The following FRMD4A variants were observed in gnomAD, a reference collection of about 807,000 sequenced individuals.
FRMD4A encodes FERM domain-containing protein 4A.
A neutral mutation model predicts 129.1 loss-of-function variants in FRMD4A; 29 were observed. That is an observed-to-expected ratio of 0.22 (90% CI 0.17 to 0.31). The LOEUF is 0.31. Ranked by LOEUF, FRMD4A falls within the 10% of genes least tolerant of loss-of-function variation. The probability of loss-of-function intolerance (pLI) is 1.00; values close to 1 mark genes in which losing one functional copy is unlikely to be tolerated. For synonymous variants in FRMD4A, 634 were observed against 571.6 expected (o/e 1.11, Z -1.56); for missense variants, 1,272 against 1,375.8 (o/e 0.92, Z 1.19).
chr10:13,844,767 C>T (rs959299468), intron 3 of FRMD4A, among the ~76,000 whole-genome samples: 5 of 152,172 alleles, frequency 3.3e-5, no homozygotes, highest in East Asian at 1.9e-4. Flanking sequence ...CCCTGCTAGT[C>T]GCATGCTCTT....
chr10:13,669,744 A>G (rs915053033), intron 17 of FRMD4A, among the ~76,000 whole-genome samples: 5 of 152,202 alleles, frequency 3.3e-5, no homozygotes, highest in African/African-American at 1.2e-4. Flanking sequence ...CTGGATTCTC[A>G]TTAACCAGCC....
chr10:13,783,296 C>T (rs2092779798), intron 5 of FRMD4A, among the ~76,000 whole-genome samples: 1 of 152,206 alleles, frequency 6.6e-6, no homozygotes. Flanking sequence ...ATTTCTTTGT[C>T]CTATCTGCTT....
chr10:14,049,603 G>C (rs945804608), intron 2 of FRMD4A, among the ~76,000 whole-genome samples: 6 of 152,192 alleles, frequency 3.9e-5, no homozygotes, highest in Admixed American at 1.3e-4. Flanking sequence ...TCAGAGTTGA[G>C]TCTTACTGTG....
At chr10:13,893,093 A>G (rs76998597) in intron 2 of FRMD4A, among the ~76,000 whole-genome samples, 3,647 of 152,174 alleles carry the variant, frequency 0.024, 136 homozygotes, top group East Asian at 0.17. Context: ...CTGGAGTGTG[A>G]TGGTGTGATC....
At chr10:13,826,922 A>G (rs2093709225) in intron 3 of FRMD4A, among the ~76,000 whole-genome samples, 1 of 152,210 alleles carries the variant, frequency 6.6e-6, no homozygotes, top group African/African-American at 2.4e-5. Flanking sequence ...GAAAACAGAC[A>G]CGTGTCCTCG....
intron 2 of FRMD4A, among the ~76,000 whole-genome samples, chr10:14,161,247 T>A (rs903323957): frequency 6.6e-6 from 1 of 152,180 alleles, no homozygotes; most frequent in African/African-American, 2.4e-5. Flanking sequence ...TGAACCACCA[T>A]GCCCAGCTGG....
chr10:13,946,613 C>A (rs1434868135), intron 2 of FRMD4A, among the ~76,000 whole-genome samples: 1 of 152,122 alleles, frequency 6.6e-6, no homozygotes, highest in African/African-American at 2.4e-5. Context: ...CCAATCTTTT[C>A]TTTTTTTCTC....
chr10:13,742,150 C>G (rs1008954074), intron 9 of FRMD4A, among the ~76,000 whole-genome samples: 3 of 152,200 alleles, frequency 2.0e-5, no homozygotes, highest in African/African-American at 7.2e-5. Flanking sequence ...GCCACCGCGC[C>G]CAGCTGAAAT....
intron 2 of FRMD4A, among the ~76,000 whole-genome samples, chr10:14,071,884 G>A (rs1835335240): frequency 6.6e-6 from 1 of 152,166 alleles, no homozygotes; most frequent in African/African-American, 2.4e-5. Flanking sequence ...GCCTGCAGCT[G>A]AAAGGGTGAA....
At chr10:13,910,292 C>G (rs1476060384) in intron 2 of FRMD4A, among the ~76,000 whole-genome samples, 4 of 152,182 alleles carry the variant, frequency 2.6e-5, no homozygotes, top group Admixed American at 6.5e-5. Context: ...GTCTAACCTG[C>G]TGGAAGATGA....
intron 14 of FRMD4A, among the ~76,000 whole-genome samples, chr10:13,701,036 G>C (rs948558470): frequency 1.3e-5 from 2 of 152,068 alleles, no homozygotes; most frequent in African/African-American, 4.8e-5. Context: ...CACGCTGCTA[G>C]AGGATTCTCC....
intron 2 of FRMD4A, among the ~76,000 whole-genome samples, chr10:14,236,533 TCTGCGGATC>T (rs549353633): frequency 6.6e-6 from 1 of 152,246 alleles, no homozygotes; most frequent in South Asian, 2.1e-4. Flanking sequence ...CTGGGTCAGC[TCTGCGGATC>T]ACCACCTGCC....
intron 15 of FRMD4A, chr10:13,685,360 G>C (rs2084972964): frequency 1.0e-6 from 1 of 984,212 alleles, no homozygotes; most frequent in Admixed American, 6.1e-5. Flanking sequence ...TTAACAGAGA[G>C]AGAGGAGAAT....
At chr10:14,167,738 G>C (rs990268375) in intron 2 of FRMD4A, among the ~76,000 whole-genome samples, 4 of 151,990 alleles carry the variant, frequency 2.6e-5, no homozygotes, top group Non-Finnish European at 5.9e-5. Context: ...CAGAGGATGT[G>C]GCATCCATGC....
intron 14 of FRMD4A, among the ~76,000 whole-genome samples, chr10:13,699,873 G>T (rs1370308307): frequency 6.6e-6 from 1 of 152,090 alleles, no homozygotes; most frequent in African/African-American, 2.4e-5. Context: ...AAATTCCTGC[G>T]CTAGGACTAG....
At chr10:13,963,727 C>A (rs961383332) in intron 2 of FRMD4A, among the ~76,000 whole-genome samples, 1 of 152,184 alleles carries the variant, frequency 6.6e-6, no homozygotes, top group African/African-American at 2.4e-5. Flanking sequence ...TACGTAATTA[C>A]AAACCCTATT....
rs778913866 is a variant in FRMD4A, at chr10:13,819,436, CAA to C, written c.112-8530_112-8529del. 2.1e-3 allele frequency among the ~76,000 whole-genome samples: 324 copies of C among 152,298 alleles called. 1 individual carries two copies. Among genetic ancestry groups the C allele is most frequent in the Non-Finnish European group, 3.1e-3 (214 of 68,034 alleles). ...AAGCCCTCCCTGACCATCCTGCCTA[CAA>C]ATGCTCTCTCCCTCCTCTGGATTTC... On this transcript the variant is annotated intron_variant, in intron 3 of 24. Transcript: ENST00000357447.
chr10:14,191,431 T>C (rs1172159528), intron 2 of FRMD4A, among the ~76,000 whole-genome samples: 1 of 152,170 alleles, frequency 6.6e-6, no homozygotes, highest in Non-Finnish European at 1.5e-5. Flanking sequence ...GGGACAGCCA[T>C]AGTTTACAAG....
intron 6 of FRMD4A, among the ~76,000 whole-genome samples, chr10:13,770,642 CTA>C (rs1418665274): frequency 1.3e-5 from 2 of 151,998 alleles, no homozygotes; most frequent in Non-Finnish European, 2.9e-5. Flanking sequence ...GGGGGTCTCA[CTA>C]TGTTTCTCAG....
Sources: allele counts gnomAD v4.1 joint callset (sites outside exome capture counted in the v4.1 genomes callset), GRCh38; gene constraint gnomAD v4.1.1; transcripts MANE v1.5; gene names NCBI Gene and HGNC (gene_info 2026-07-23, HGNC 2026-07-21).